The following TBL3 variants were observed in gnomAD, a reference collection of about 807,000 sequenced individuals.
TBL3 encodes the protein transducin beta like 3.
A neutral mutation model predicts 102.7 loss-of-function variants in TBL3; 71 were observed. That is an observed-to-expected ratio of 0.69 (90% CI 0.57 to 0.84). TBL3 has a LOEUF of 0.84. Ranked by LOEUF, TBL3 falls within the 40% of genes least tolerant of loss-of-function variation. TBL3 has a pLI of 0.00. For missense variants in TBL3, 1,188 were observed against 1,098.5 expected, an observed-to-expected ratio of 1.08 and a Z score of -1.15; for synonymous variants, 578 against 477.7, an observed-to-expected ratio of 1.21 and a Z score of -2.74.
intron 18 of TBL3, 51 bp downstream of exon 18, chr16:1,977,851 G>T (rs761768470): frequency 1.9e-6 from 3 of 1,577,472 alleles, no homozygotes; most frequent in Non-Finnish European, 1.7e-6. Context: ...GCTCTGTGCT[G>T]TAGGGAAAAC....
In TBL3 at chr16:1,978,975, G is replaced by T. The variant is rs1489970610; in HGVS notation, c.*290G>T. On this transcript the variant is annotated 3_prime_UTR_variant, in exon 22 of 22. Coordinates refer to ENST00000568546, the MANE Select transcript of TBL3 (RefSeq NM_006453.3). ...AAATGGCCCCCTCCCATCCCTGCTG[G>T]CCAGGGAGATCCGCCCTCCCCGCTC... The T allele has an allele frequency of 7.3e-7, 1 of 1,370,088 alleles. No homozygotes were observed. The highest frequency in any genetic ancestry group is 9.8e-7 in the Non-Finnish European group (1 of 1,020,150). The allele number at this position is 1,370,088 out of a possible 1,614,324, so 84.9% of individuals were successfully genotyped here.
Position 1,974,986 on chromosome 16 carries a change from G to A in TBL3, c.523G>A (p.Ala175Thr). The A allele has an allele frequency of 6.2e-7, 1 of 1,608,032 alleles. No homozygotes were observed. The highest frequency in any genetic ancestry group is 8.5e-7 in the Non-Finnish European group (1 of 1,179,988). ...RLLLFSSATD[A>T]AIRVWSLQDR... is the part of the protein sequence containing the mutation. ...GCTGCTCTTCTCCTCGGCCACGGAT[G>A]CCGCCATCCGCGTGTGGTCACTGCA... Residue 175 changes from alanine to threonine, a missense_variant, in exon 7 of 22, where the codon GCC (alanine) becomes ACC (threonine). Transcript: ENST00000568546.
In TBL3 at chr16:1,974,430, G is replaced by A; in HGVS notation, c.237+7G>A. 6.2e-7 allele frequency: 1 copy of A among 1,607,274 alleles called. No homozygotes were observed. The highest frequency in any genetic ancestry group is 8.5e-7 in the Non-Finnish European group (1 of 1,176,688). On this transcript the variant is annotated splice_region_variant and intron_variant, in intron 4 of 21. Coordinates refer to ENST00000568546, the MANE Select transcript of TBL3 (RefSeq NM_006453.3). ...CCTCAGCCCTGACAACGAGGTATGT[G>A]GGGCGGGGCCTGGAGGGGACCCGCT...
rs553910687 is a variant in TBL3 at position 1,975,538 on chromosome 16, G to A, written c.815G>A (p.Arg272His). The change falls in exon 10 of 22, where the codon CGC becomes CAC. Residue 272 changes from arginine (R) to histidine (H), a missense_variant. Coordinates refer to ENST00000568546, the MANE Select transcript of TBL3 (RefSeq NM_006453.3). ...FLTAGDQGTL[R>H]VWEAASGQCV... is the part of the protein sequence containing the mutation. Reference sequence around the variant, plus strand: ...GTCCCCACCCACACAGGCACTCTGCGCGTGTGGGAGGCAGCTTCTGGGCAG... The same window carrying A: ...GTCCCCACCCACACAGGCACTCTGCACGTGTGGGAGGCAGCTTCTGGGCAG... 7.6e-5 allele frequency: 122 copies of A among 1,597,758 alleles called. No individual in the cohort carries two copies. The highest frequency in any genetic ancestry group is 6.8e-4 in the Middle Eastern group (4 of 5,868).
In TBL3 at chr16:1,977,660, T is replaced by G; in HGVS notation, c.1889T>G (p.Ile630Ser). ...ACTGGGGCCAGTGACTCCCGAGTCA[T>G]CCTCTGGAAGGTTGTGGGCCCCAAG... ...ALTGASDSRV[I>S]LWKDVTEAEQ... The change falls in exon 17 of 22, where the codon ATC becomes AGC. Residue 630 changes from isoleucine (I) to serine (S), a missense_variant. Coordinates refer to ENST00000568546, the MANE Select transcript of TBL3 (RefSeq NM_006453.3). The G allele has an allele frequency of 6.4e-7, 1 of 1,551,706 alleles. No individual in the cohort carries two copies. Among genetic ancestry groups the G allele is most frequent in the Non-Finnish European group, 8.7e-7 (1 of 1,147,118 alleles).
In TBL3 at chr16:1,979,358, G is replaced by A. The variant is rs766388305; in HGVS notation, c.*673G>A. ...CCGCCCGGTCGCCGTACCTGCGAGGGGCGGGGTGTGGTTAGGGCCCCGCCC... is the reference window on the plus strand; with the variant it reads ...CCGCCCGGTCGCCGTACCTGCGAGGAGCGGGGTGTGGTTAGGGCCCCGCCC... On this transcript the variant is annotated 3_prime_UTR_variant, in exon 22 of 22. Transcript: ENST00000568546. 9 of 1,583,632 alleles carry A rather than the reference G, an allele frequency of 5.7e-6. No homozygotes were observed. The East Asian group carries it at 1.8e-4, about 32-fold the overall frequency.
chr16:1,975,591 G>A lies in TBL3; in HGVS notation c.868G>A (p.Gly290Ser), dbSNP rs1054597441. Residue 290 changes from glycine (G) to serine (S), a missense_variant, in exon 10 of 22, where the codon GGC (glycine) becomes AGC (serine). Coordinates refer to ENST00000568546, the MANE Select transcript of TBL3 (RefSeq NM_006453.3). Reference protein sequence around the residue: ...QCVYTQAQPPGPGQELTHCTL... With the variant: ...QCVYTQAQPPSPGQELTHCTL... ...TGTGTACACGCAGGCCCAGCCGCCG[G>A]GCCCTGGGCAGGAGCTGACCCACTG... The A allele has an allele frequency of 1.0e-5, 16 of 1,600,566 alleles. No homozygotes were observed. The Admixed American group carries it at 2.0e-4, about 20-fold the overall frequency.
chr16:1,978,021 C>T lies in TBL3; in HGVS notation c.2022C>T (p.Ile674=), dbSNP rs139303832. 5.6e-4 allele frequency: 903 copies of T among 1,607,720 alleles called. 6 individuals are homozygous for T. The African/African-American group carries it at 0.011, about 20-fold the overall frequency. Residue 674 remains isoleucine, a synonymous_variant, in exon 19 of 22, where the codon ATC becomes ATT. Coordinates refer to ENST00000568546, the MANE Select transcript of TBL3 (RefSeq NM_006453.3). Reference sequence around the variant, plus strand: ...ACCTGCGGGCGCTGGGCCTGGCCATCTCCCTGGATCGGCCCCACACCGTGC... The same window carrying T: ...ACCTGCGGGCGCTGGGCCTGGCCATTTCCCTGGATCGGCCCCACACCGTGC... The part of the protein sequence containing the change: ...KRYLRALGLA[I]SLDRPHTVLT...
chr16:1,978,378 G>A lies in TBL3; in HGVS notation c.2200G>A (p.Val734Met), dbSNP rs368909625. Residue 734 changes from valine (V) to methionine (M), a missense_variant, in exon 21 of 22, where the codon GTG becomes ATG. Transcript: ENST00000568546. ...NSRHCHEAQA[V>M]LGVLLRREAP... ...GCGGCACTGCCACGAGGCCCAGGCC[G>A]TGCTGGGTGTGCTCTTGAGGCGAGA... 48 of 1,611,368 alleles carry A rather than the reference G, an allele frequency of 3.0e-5. No individual in the cohort carries two copies. The highest frequency in any genetic ancestry group is 5.3e-5 in the African/African-American group (4 of 74,892).
Position 1,975,409 on chromosome 16 carries a change from G to A in TBL3, c.776G>A (p.Gly259Glu), listed in dbSNP as rs1158693702. The change falls in exon 9 of 22, where the codon GGG becomes GAG. Residue 259 changes from glycine (G) to glutamate (E), a missense_variant. Transcript: ENST00000568546. The part of the protein sequence containing the change: ...PVSQLGVKSP[G>E]LYFLTAGDQG... Reference sequence around the variant, plus strand: ...TCCCAGCTGGGTGTGAAGTCCCCAGGGCTGTACTTTCTGACAGCTGGCGAC... The same window carrying A: ...TCCCAGCTGGGTGTGAAGTCCCCAGAGCTGTACTTTCTGACAGCTGGCGAC... 1 of 1,613,858 alleles carries A rather than the reference G, an allele frequency of 6.2e-7. No individual in the cohort carries two copies. The highest frequency in any genetic ancestry group is 8.5e-7 in the Non-Finnish European group (1 of 1,180,006).
Position 1,978,543 on chromosome 16 carries a change from C to A in TBL3, c.2294-9C>A. On this transcript the variant is annotated splice_polypyrimidine_tract_variant and intron_variant, in intron 21 of 21. Transcript: ENST00000568546. ...ACCACCCCCCTGACCTCCCTCTGTC[C>A]AACCCCAGAGCGGCACTTTCAGCGG... 1 of 1,602,108 alleles carries A rather than the reference C, an allele frequency of 6.2e-7. No individual in the cohort carries two copies. The highest frequency in any genetic ancestry group is 8.5e-7 in the Non-Finnish European group (1 of 1,172,380).
At chr16:1,977,823 C>T (rs928296677) in intron 18 of TBL3, 23 bp downstream of exon 18, 11 of 1,558,878 alleles carry the variant, frequency 7.1e-6, no homozygotes, top group Middle Eastern at 1.7e-4. Context: ...CAGTGGCGCC[C>T]CTCCCCGCAT....
Position 1,980,812 on chromosome 16 carries a change from A to C in TBL3, c.*2127A>C. 2 of 1,486,568 alleles carry C rather than the reference A, an allele frequency of 1.3e-6. No individual in the cohort carries two copies. Among genetic ancestry groups the C allele is most frequent in the Non-Finnish European group, 1.8e-6 (2 of 1,085,698 alleles). 92.1% of individuals were successfully genotyped at this position (1,486,568 alleles called of 1,614,324 possible). ...GGGCGGGGTCCCTCACCCGGATGGC[A>C]GGGGCTGGGAGCTTCAGCAGGGACG... On this transcript the variant is annotated 3_prime_UTR_variant, in exon 22 of 22. Transcript: ENST00000568546.
In TBL3 at chr16:1,979,586, A is replaced by T. The variant is rs766050023; in HGVS notation, c.*901A>T. Reference sequence around the variant, plus strand: ...TGGAGTCACCGCGGGGCCACAGAGGACGAGGCCCGCCCGCACCCTTCTCCA... The same window carrying T: ...TGGAGTCACCGCGGGGCCACAGAGGTCGAGGCCCGCCCGCACCCTTCTCCA... On this transcript the variant is annotated 3_prime_UTR_variant, in exon 22 of 22. Coordinates refer to ENST00000568546, the MANE Select transcript of TBL3 (RefSeq NM_006453.3). 6.7e-7 allele frequency: 1 copy of T among 1,503,652 alleles called. No homozygotes were observed. Among genetic ancestry groups the T allele is most frequent in the Non-Finnish European group, 9.2e-7 (1 of 1,090,194 alleles). 93.1% of individuals were successfully genotyped at this position (1,503,652 alleles called of 1,614,324 possible).
In TBL3 at chr16:1,972,098, C is replaced by A. The variant is rs972033110; in HGVS notation, c.-67C>A. 1.4e-6 allele frequency: 2 copies of A among 1,454,352 alleles called. No individual in the cohort carries two copies. The highest frequency in any genetic ancestry group is 1.8e-6 in the Non-Finnish European group (2 of 1,099,888). The allele number at this position is 1,454,352 out of a possible 1,614,324, so 90.1% of individuals were successfully genotyped here. ...CGTTCTGTGAAGAGTTCGGTGCTAA[C>A]CTCCCTCACGCGGCGGTGGCTGCCG... On this transcript the variant is annotated 5_prime_UTR_variant, in exon 1 of 22. Transcript: ENST00000568546.
In TBL3 at chr16:1,980,689, G is replaced by A. The variant is rs34505807; in HGVS notation, c.*2004G>A. The A allele has an allele frequency of 2.8e-4, 452 of 1,606,790 alleles. 3 individuals carry two copies. The African/African-American group carries it at 5.6e-3, about 20-fold the overall frequency. ...TTTGGGAGAACGCGGTCAGATCTCC[G>A]CAGCAGGCCCGCCTCCACCGGGAAG... On this transcript the variant is annotated 3_prime_UTR_variant, in exon 22 of 22. Transcript: ENST00000568546.
intron 13 of TBL3, 95 bp from the exon 14 acceptor site, chr16:1,976,719 C>A: frequency 6.6e-7 from 1 of 1,511,316 alleles, no homozygotes; most frequent in South Asian, 1.2e-5. Flanking sequence ...GCCCCGTGGT[C>A]TGGACCGTGG....
chr16:1,972,122 C>G lies in TBL3; in HGVS notation c.-43C>G. 6.8e-7 allele frequency: 1 copy of G among 1,469,880 alleles called. No homozygotes were observed. The highest frequency in any genetic ancestry group is 1.5e-5 in the African/African-American group (1 of 67,654). 91.1% of individuals were successfully genotyped at this position (1,469,880 alleles called of 1,614,324 possible). A position where few individuals can be genotyped will look rare whatever the true frequency, so the allele number is the denominator to read the frequency against. On this transcript the variant is annotated 5_prime_UTR_variant, in exon 1 of 22. Coordinates refer to ENST00000568546, the MANE Select transcript of TBL3 (RefSeq NM_006453.3). ...ACCTCCCTCACGCGGCGGTGGCTGC[C>G]GGGACCCTAGCAGGTTTCAGCTGGA... is the stretch of plus-strand genomic sequence containing the variant.
chr16:1,979,585 G>T lies in TBL3; in HGVS notation c.*900G>T. The stretch of plus-strand genomic sequence containing the variant: ...TTGGAGTCACCGCGGGGCCACAGAG[G>T]ACGAGGCCCGCCCGCACCCTTCTCC... On this transcript the variant is annotated 3_prime_UTR_variant, in exon 22 of 22. Coordinates refer to ENST00000568546, the MANE Select transcript of TBL3 (RefSeq NM_006453.3). 1.3e-6 allele frequency: 2 copies of T among 1,505,118 alleles called. No individual in the cohort carries two copies. The highest frequency in any genetic ancestry group is 1.8e-6 in the Non-Finnish European group (2 of 1,091,430). The allele number at this position is 1,505,118 out of a possible 1,614,324, so 93.2% of individuals were successfully genotyped here.
Sources: gnomAD v4.1 joint callset for allele counts on GRCh38, gnomAD v4.1.1 for gene constraint, MANE v1.5 for transcripts, NCBI Gene and HGNC (gene_info 2026-07-23, HGNC 2026-07-21) for gene names.